The following MBTPS1 variants were observed in gnomAD, a reference collection of about 807,000 sequenced individuals.
MBTPS1 encodes the protein membrane bound transcription factor peptidase, site 1, also known as membrane-bound transcription factor site-1 protease.
A neutral mutation model predicts 127.8 loss-of-function variants in MBTPS1; 94 were observed. The ratio of observed to expected loss-of-function variants is 0.74; its 90% CI spans 0.62 to 0.87. MBTPS1 has a LOEUF of 0.87. Among genes scored for constraint, MBTPS1 ranks in the 40% least tolerant of loss-of-function variants. MBTPS1 has a pLI of 0.00. For missense variants in MBTPS1, 1,636 were observed against 1,353.2 expected (o/e 1.21, Z -3.28); for synonymous variants, 632 against 509.4 (o/e 1.24, Z -3.24).
chr16:84,103,018 C>A (rs964585165), intron 1 of MBTPS1, among the ~76,000 whole-genome samples: 137 of 152,098 alleles, frequency 9.0e-4, no homozygotes, highest in Non-Finnish European at 4.4e-5. Flanking sequence ...AAAATGTCAC[C>A]TGAATATTAA....
At position 84,095,892 on chromosome 16, in the gene MBTPS1, A is replaced by G. The variant is rs183272911; in HGVS notation, c.422-87T>C. The G allele has an allele frequency of 2.6e-5, 28 of 1,070,928 alleles. No homozygotes were observed. The East Asian group carries it at 6.5e-4, about 25-fold the overall frequency. The allele number at this position is 1,070,928 out of a possible 1,614,324, so 66.3% of individuals were successfully genotyped here. On this transcript the variant is annotated intron_variant, in intron 3 of 22. Transcript: ENST00000343411. ...AGGCAAAACTATCCTAAACACAGGGAGGATTACCATTTGCCACTCTGTTTG... is the reference window on the plus strand; with the variant it reads ...AGGCAAAACTATCCTAAACACAGGGGGGATTACCATTTGCCACTCTGTTTG...
intron 21 of MBTPS1, 141 bp downstream of exon 21, chr16:84,059,161 A>C: frequency 8.9e-7 from 1 of 1,118,226 alleles, no homozygotes; most frequent in South Asian, 1.6e-5. Context: ...TACGAGGTTC[A>C]CTAAATAACT....
chr16:84,095,451 TAAG>T (rs1257721163), intron 4 of MBTPS1, 148 bp downstream of exon 4: 1 of 730,842 alleles, frequency 1.4e-6, no homozygotes, highest in African/African-American at 1.8e-5. Context: ...AAACAAATAG[TAAG>T]AAGGTTAGAT....
intron 8 of MBTPS1, among the ~76,000 whole-genome samples, chr16:84,089,568 A>G (rs2151161361): frequency 6.6e-6 from 1 of 152,386 alleles, no homozygotes; most frequent in South Asian, 2.1e-4. Flanking sequence ...TTCAAAGAGC[A>G]TCATCAGCAT....
chr16:84,114,389 G>GAGA (rs2086441040), intron 1 of MBTPS1, among the ~76,000 whole-genome samples: 2 of 152,134 alleles, frequency 1.3e-5, no homozygotes, highest in Admixed American at 1.3e-4. Context: ...AGTCAAGAGT[G>GAGA]AGAAACCTTG....
At chr16:84,096,414 T>C (rs1013635613) in intron 3 of MBTPS1, among the ~76,000 whole-genome samples, 94 of 152,360 alleles carry the variant, frequency 6.2e-4, no homozygotes, top group African/African-American at 2.2e-3. Flanking sequence ...TTGGTGGATA[T>C]TTGATGGTAT....
intron 1 of MBTPS1, among the ~76,000 whole-genome samples, chr16:84,104,187 AAAG>A (rs1488072304): frequency 1.3e-5 from 2 of 152,176 alleles, no homozygotes; most frequent in Admixed American, 1.3e-4. Context: ...TATATATTTA[AAAG>A]ATATTTATTA....
chr16:84,092,068 C>G (rs2086117694), intron 6 of MBTPS1, among the ~76,000 whole-genome samples: 1 of 152,144 alleles, frequency 6.6e-6, no homozygotes, highest in Non-Finnish European at 1.5e-5. Context: ...GAAGAGGCAG[C>G]TGTGTTCTGC....
At chr16:84,055,194 A>C (rs1450290348) in intron 22 of MBTPS1, among the ~76,000 whole-genome samples, 2 of 152,206 alleles carry the variant, frequency 1.3e-5, no homozygotes, top group Non-Finnish European at 2.9e-5. Context: ...CGACTGGGCA[A>C]GGCCAAGGGC....
intron 20 of MBTPS1, chr16:84,060,341 T>C (rs1250582961): frequency 1.0e-5 from 2 of 198,372 alleles, no homozygotes; most frequent in Non-Finnish European, 2.1e-5. Flanking sequence ...ACCTGGCAAG[T>C]GCTCTAGAAT....
chr16:84,059,595 T>C, intron 20 of MBTPS1, 167 bp from the exon 21 acceptor site: 1 of 569,782 alleles, frequency 1.8e-6, no homozygotes. Flanking sequence ...CACGCCTGAT[T>C]GGTTCCTCCC....
intron 12 of MBTPS1, among the ~76,000 whole-genome samples, chr16:84,072,377 G>C (rs1212249553): frequency 6.6e-6 from 1 of 152,188 alleles, no homozygotes; most frequent in Non-Finnish European, 1.5e-5. Context: ...TGAAGGAGAT[G>C]TTGGCACAGC....
At chr16:84,084,552 T>C (rs13335921) in intron 10 of MBTPS1, among the ~76,000 whole-genome samples, 5 of 152,092 alleles carry the variant, frequency 3.3e-5, no homozygotes, top group Non-Finnish European at 7.3e-5. Flanking sequence ...ATATACGCAG[T>C]AGGATTTGTT....
intron 21 of MBTPS1, chr16:84,057,834 G>A (rs757474522): frequency 6.6e-6 from 1 of 152,222 alleles, no homozygotes; most frequent in South Asian, 2.1e-4. Flanking sequence ...TGCTGGATGG[G>A]CCGGTTCAGT....
At chr16:84,085,575 C>CCG (rs1567490528) in intron 9 of MBTPS1, among the ~76,000 whole-genome samples, 1 of 95,840 alleles carries the variant, frequency 1.0e-5, no homozygotes, top group African/African-American at 3.5e-5. Context: ...GCACCCGCCC[C>CCG]CCCCCCAAAA....
intron 3 of MBTPS1, among the ~76,000 whole-genome samples, chr16:84,098,603 G>A (rs186995803): frequency 1.5e-4 from 23 of 152,028 alleles, no homozygotes; most frequent in African/African-American, 4.3e-4. Context: ...GCGAAACTCC[G>A]TCTCAAAAAA....
chr16:84,085,262 G>A, intron 9 of MBTPS1, 128 bp from the exon 10 acceptor site: 1 of 951,392 alleles, frequency 1.1e-6, no homozygotes, highest in Non-Finnish European at 1.6e-6. Flanking sequence ...GGAAGGTACT[G>A]GTTTTAGTCT....
In MBTPS1 at chr16:84,054,571, C is replaced by T. The variant is rs1422067066; in HGVS notation, c.3037G>A (p.Val1013Ile). Residue 1013 changes from valine to isoleucine, a missense_variant, in exon 23 of 23, where the codon GTC (valine) becomes ATC (isoleucine). Val to Ile is a conservative substitution (Grantham distance 29, BLOSUM62 3). Transcript: ENST00000343411. ...ATTTGTACCACAAAGAAGGCCAGGACCACCATGGCTCCCAGGAAGGCAAAG... is the reference window on the plus strand; with the variant it reads ...ATTTGTACCACAAAGAAGGCCAGGATCACCATGGCTCCCAGGAAGGCAAAG... ...PVFAFLGAMV[V>I]LAFFVVQINK... 1 of 1,613,846 alleles carries T rather than the reference C, an allele frequency of 6.2e-7. No individual in the cohort carries two copies. The highest frequency in any genetic ancestry group is 1.7e-5 in the Admixed American group (1 of 59,992).
intron 1 of MBTPS1, among the ~76,000 whole-genome samples, chr16:84,109,050 G>A (rs1401213460): frequency 1.3e-5 from 2 of 152,234 alleles, no homozygotes; most frequent in Non-Finnish European, 2.9e-5. Context: ...GGGTGTGGCA[G>A]CAGTGAAATC....
Sources: allele counts gnomAD v4.1 joint callset (sites outside exome capture counted in the v4.1 genomes callset), GRCh38; gene constraint gnomAD v4.1.1; transcripts MANE v1.5; gene names NCBI Gene and HGNC (gene_info 2026-07-23, HGNC 2026-07-21).